CLVS1: variants seen among roughly 807,000 people sequenced by gnomAD.
The protein encoded by CLVS1 is clavesin 1, also known as clavesin-1.
Under a neutral mutation model 33.1 loss-of-function variants are expected in CLVS1, and 10 were observed. That is an observed-to-expected ratio of 0.30 (90% CI 0.19 to 0.51). The LOEUF (loss-of-function observed/expected upper bound fraction) is 0.51. CLVS1 is among the 20% of genes least tolerant of loss of function. The pLI, the probability that CLVS1 is intolerant of heterozygous loss-of-function variation, is 0.97. For missense variants in CLVS1, 343 were observed against 433.4 expected (o/e 0.79, Z 1.85); for synonymous variants, 163 against 166.1 (o/e 0.98, Z 0.14).
chr8:61,067,449 A>C (rs1270501928), intron 1 of CLVS1, among the ~76,000 whole-genome samples: 3 of 148,686 alleles, frequency 2.0e-5, no homozygotes, highest in African/African-American at 7.3e-5. Context: ...ATATATTATT[A>C]GTTGATATAT....
chr8:61,013,064 C>T, the CLVS1 span, among the ~76,000 whole-genome samples: 1 of 152,140 alleles, frequency 6.6e-6, no homozygotes, highest in Non-Finnish European at 1.5e-5. Context: ...CCTCCTGCTA[C>T]CAACATCAGG....
chr8:61,411,685 G>T (rs894764523), intron 3 of CLVS1, among the ~76,000 whole-genome samples: 2 of 152,152 alleles, frequency 1.3e-5, no homozygotes, highest in Non-Finnish European at 2.9e-5. Flanking sequence ...AGGAGTGGGA[G>T]CCCTGGCAAA....
In CLVS1 at chr8:61,083,338, G is replaced by A. The variant is rs188763842; in HGVS notation, c.-243+26108G>A. 4.6e-5 allele frequency among the ~76,000 whole-genome samples: 7 copies of A among 152,278 alleles called. No individual in the cohort carries two copies. The East Asian group carries it at 1.4e-3, about 29-fold the overall frequency. On this transcript the variant is annotated intron_variant, in intron 1 of 2. Transcript: ENST00000522621. Reference sequence around the variant, plus strand: ...CAGAGAGCAGAGAGGCATCAACTTGGTGCCTTGCCAGGGACCTAGCAGCCA... The same window carrying A: ...CAGAGAGCAGAGAGGCATCAACTTGATGCCTTGCCAGGGACCTAGCAGCCA...
rs1232476310 is a variant in CLVS1 at position 61,376,750 on chromosome 8, A to G, written c.601A>G (p.Ile201Val). ...ACAAGCCTCCAAACTGACACCTTCA[A>G]TCCTTAAACTGGCCATTGAAGGGTT... ...FKQASKLTPS[I>V]LKLAIEGLQD... Residue 201 changes from isoleucine (I) to valine (V), a missense_variant, in exon 3 of 6, where the codon ATC becomes GTC. Ile to Val is a conservative substitution (Grantham distance 29). Around this residue, in one of 4 missense-constraint regions of CLVS1, gnomAD observed 166 missense variants for 244.0 expected, o/e 0.68. Transcript: ENST00000325897. 1.2e-6 allele frequency: 2 copies of G among 1,614,138 alleles called. No homozygotes were observed. Among genetic ancestry groups the G allele is most frequent in the East Asian group, 2.2e-5 (1 of 44,882 alleles).
At chr8:61,033,520 T>C in the CLVS1 span, among the ~76,000 whole-genome samples, 1 of 152,300 alleles carries the variant, frequency 6.6e-6, no homozygotes, top group East Asian at 1.9e-4. Context: ...AATCTCTTAC[T>C]GGGTGAGGGG....
chr8:60,972,133 TTCTC>T, the CLVS1 span, among the ~76,000 whole-genome samples: 4 of 151,368 alleles, frequency 2.6e-5, no homozygotes, highest in East Asian at 7.7e-4. Context: ...GTAACTGTCT[TTCTC>T]TCTCTCTCTC....
the CLVS1 span, among the ~76,000 whole-genome samples, chr8:61,051,159 C>T: frequency 6.6e-6 from 1 of 152,214 alleles, no homozygotes; most frequent in East Asian, 1.9e-4. Flanking sequence ...GCACCCAGGC[C>T]TGGTCTGTGA....
intron 2 of CLVS1, among the ~76,000 whole-genome samples, chr8:61,272,337 C>T (rs1239611100): frequency 1.3e-5 from 2 of 152,176 alleles, no homozygotes; most frequent in East Asian, 1.9e-4. Flanking sequence ...TCTCTTCTGG[C>T]TTGTAGGTTT....
intron 2 of CLVS1, among the ~76,000 whole-genome samples, chr8:61,348,691 A>G (rs1812328636): frequency 6.6e-6 from 1 of 152,086 alleles, no homozygotes. Flanking sequence ...GTGGGAGTGC[A>G]GGTATCTCTT....
At chr8:61,294,152 G>A (rs2129594052) in intron 1 of CLVS1, among the ~76,000 whole-genome samples, 1 of 152,208 alleles carries the variant, frequency 6.6e-6, no homozygotes, top group East Asian at 1.9e-4. Flanking sequence ...TCTATTATGT[G>A]AGTGTAGTTG....
intron 1 of CLVS1, among the ~76,000 whole-genome samples, chr8:61,093,880 T>C (rs940981836): frequency 1.2e-4 from 18 of 152,258 alleles, no homozygotes; most frequent in Admixed American, 1.0e-3. Flanking sequence ...CTGTGCTGTT[T>C]TCCCTGGAGA....
chr8:61,302,258 C>G (rs572669916), intron 2 of CLVS1, among the ~76,000 whole-genome samples: 52 of 152,294 alleles, frequency 3.4e-4, no homozygotes, highest in Non-Finnish European at 6.3e-4. Context: ...CGTGTTTCTA[C>G]TCTGTTATTC....
Position 61,176,252 on chromosome 8 carries a change from G to T in CLVS1, c.-152+44392G>T, listed in dbSNP as rs566870238. Among the ~76,000 whole-genome samples, 12 of 152,172 alleles carry T rather than the reference G, an allele frequency of 7.9e-5. No individual in the cohort carries two copies. In the South Asian group the frequency reaches 2.5e-3, roughly 32 times the overall value. The stretch of plus-strand genomic sequence containing the variant: ...CCTCTTATTGCTCTCAGACCTTATT[G>T]CTATGTGAACCCACCTGGGAGAGGC... On this transcript the variant is annotated intron_variant, in intron 2 of 2. Coordinates refer to the CLVS1 transcript ENST00000522621.
At chr8:61,403,167 A>G (rs1585920759) in intron 3 of CLVS1, among the ~76,000 whole-genome samples, 1 of 152,220 alleles carries the variant, frequency 6.6e-6, no homozygotes, top group Non-Finnish European at 1.5e-5. Flanking sequence ...AATGTTCCAG[A>G]TAGAAGAAAC....
At chr8:61,272,134 G>A (rs1347427688) in intron 2 of CLVS1, among the ~76,000 whole-genome samples, 30 of 151,574 alleles carry the variant, frequency 2.0e-4, no homozygotes, top group African/African-American at 6.5e-4. Flanking sequence ...GCTGGTACTG[G>A]TTGTTCCTTT....
chr8:61,421,569 G>T (rs1429045859), intron 3 of CLVS1, among the ~76,000 whole-genome samples: 1 of 152,146 alleles, frequency 6.6e-6, no homozygotes, highest in East Asian at 1.9e-4. Context: ...CACTGTGAAA[G>T]GGACTAAATT....
At chr8:61,353,177 C>G (rs1331542582) in intron 2 of CLVS1, among the ~76,000 whole-genome samples, 1 of 152,010 alleles carries the variant, frequency 6.6e-6, no homozygotes, top group Non-Finnish European at 1.5e-5. Context: ...AAGATTTGAA[C>G]AACGCAATCA....
chr8:61,120,597 G>A (rs1342451654), intron 1 of CLVS1, among the ~76,000 whole-genome samples: 1 of 114,280 alleles, frequency 8.8e-6, no homozygotes, highest in Non-Finnish European at 1.7e-5. Context: ...TAACAGACAG[G>A]ACCCTCAGCT....
chr8:61,435,540 G>A (rs899873580), intron 3 of CLVS1, among the ~76,000 whole-genome samples: 3 of 144,638 alleles, frequency 2.1e-5, no homozygotes, highest in Non-Finnish European at 4.5e-5. Flanking sequence ...CTTCTATTAA[G>A]TTCATTTTAA....
Sources: allele counts gnomAD v4.1 joint callset (sites outside exome capture counted in the v4.1 genomes callset), GRCh38; gene constraint gnomAD v4.1.1; regional missense constraint gnomAD v4.1.1; transcripts MANE v1.5; gene names NCBI Gene and HGNC (gene_info 2026-07-23, HGNC 2026-07-21).